LARS1: variants seen among roughly 807,000 people sequenced by gnomAD.
The protein encoded by LARS1 is leucyl-tRNA synthetase 1.
In LARS1, 100 loss-of-function variants were observed where a neutral mutation model predicts 162.8. The ratio of observed to expected loss-of-function variants is 0.61; its 90% CI spans 0.52 to 0.73. The LOEUF (loss-of-function observed/expected upper bound fraction) is 0.73. Ranked by LOEUF, LARS1 falls within the 30% of genes least tolerant of loss-of-function variation. The pLI is 0.00. For synonymous variants in LARS1, 457 were observed against 462.8 expected (o/e 0.99, Z 0.16); for missense variants, 1,258 against 1,408.9 (o/e 0.89, Z 1.71).
At chr5:146,168,353 A>C (rs1754114172) in intron 4 of LARS1, 88 bp from the exon 5 acceptor site, 5 of 1,430,128 alleles carry the variant, frequency 3.5e-6, no homozygotes, top group Non-Finnish European at 4.7e-6. Context: ...ACTAAAATTG[A>C]CTCTGAAATT....
At chr5:146,138,901 C>T in intron 21 of LARS1, 1 of 302,212 alleles carries the variant, frequency 3.3e-6, no homozygotes, top group South Asian at 3.4e-5. Context: ...AAAGGTAACT[C>T]AGGCCCACGG....
chr5:146,134,760 C>T (rs1265625930), intron 22 of LARS1, among the ~76,000 whole-genome samples: 1 of 152,134 alleles, frequency 6.6e-6, no homozygotes, highest in Non-Finnish European at 1.5e-5. Context: ...ACCAGCCTGG[C>T]CAACAAGGCA....
intron 2 of LARS1, among the ~76,000 whole-genome samples, chr5:146,173,607 G>A (rs915523314): frequency 1.2e-4 from 18 of 149,954 alleles, no homozygotes; most frequent in African/African-American, 4.4e-4. Flanking sequence ...GAACCACCAT[G>A]AGCATGAGCT....
At chr5:146,120,812 T>C (rs1751787429) in intron 30 of LARS1, among the ~76,000 whole-genome samples, 1 of 152,226 alleles carries the variant, frequency 6.6e-6, no homozygotes, top group South Asian at 2.1e-4. Flanking sequence ...TACTAAGCAC[T>C]TCATCGACGT....
At chr5:146,168,500 G>T (rs1015937167) in intron 4 of LARS1, among the ~76,000 whole-genome samples, 1 of 152,066 alleles carries the variant, frequency 6.6e-6, no homozygotes, top group Non-Finnish European at 1.5e-5. Context: ...TTCGAGACCA[G>T]CCTGGCCAAC....
intron 3 of LARS1, 88 bp from the exon 4 acceptor site, chr5:146,172,078 C>T: frequency 1.8e-6 from 2 of 1,136,350 alleles, no homozygotes; most frequent in Non-Finnish European, 2.6e-6. Flanking sequence ...AATTAGTTTT[C>T]TTCTTTACAT....
At chr5:146,176,826 G>A (rs1369206157) in intron 2 of LARS1, among the ~76,000 whole-genome samples, 2 of 151,882 alleles carry the variant, frequency 1.3e-5, no homozygotes, top group African/African-American at 2.4e-5. Context: ...ATAAGCATTA[G>A]GTTTACTTGT....
chr5:146,135,450 T>C (rs1181902475), intron 22 of LARS1, 151 bp downstream of exon 22: 2 of 604,594 alleles, frequency 3.3e-6, no homozygotes, highest in East Asian at 6.2e-5. Context: ...ATATTAAATA[T>C]TATGTTGCTC....
At chr5:146,134,607 C>T (rs1581024974) in intron 22 of LARS1, among the ~76,000 whole-genome samples, 1 of 152,120 alleles carries the variant, frequency 6.6e-6, no homozygotes, top group African/African-American at 2.4e-5. Flanking sequence ...GACAAAAAAA[C>T]AATTTTCTGA....
In LARS1 at chr5:146,182,589, G is replaced by A. The variant is rs1400028649; in HGVS notation, c.-96C>T. The A allele has an allele frequency of 6.5e-7, 1 of 1,531,116 alleles. No homozygotes were observed. Among genetic ancestry groups the A allele is most frequent in the East Asian group, 2.2e-5 (1 of 44,492 alleles). The allele number at this position is 1,531,116 out of a possible 1,614,324, so 94.8% of individuals were successfully genotyped here. A position where few individuals can be genotyped will look rare whatever the true frequency, so the allele number is the denominator to read the frequency against. On this transcript the variant is annotated 5_prime_UTR_variant, in exon 1 of 32. Coordinates refer to ENST00000394434, the MANE Select transcript of LARS1 (RefSeq NM_020117.11). ...TTCCCCTCCCTCTCGGGGATGCCAG[G>A]CCTCCCACGAAACTAAAGCACACGC...
At chr5:146,165,322 G>C (rs1471766768) in intron 5 of LARS1, among the ~76,000 whole-genome samples, 1 of 152,056 alleles carries the variant, frequency 6.6e-6, no homozygotes, top group Non-Finnish European at 1.5e-5. Context: ...GTGACAGAGA[G>C]AGACTCCATC....
At chr5:146,136,930 C>G (rs572567431) in intron 21 of LARS1, among the ~76,000 whole-genome samples, 1 of 152,224 alleles carries the variant, frequency 6.6e-6, no homozygotes, top group Admixed American at 6.5e-5. Flanking sequence ...GATGCAGTTT[C>G]ACTCTTGTCG....
intron 27 of LARS1, among the ~76,000 whole-genome samples, chr5:146,127,393 C>T (rs1752090843): frequency 6.6e-6 from 1 of 151,992 alleles, no homozygotes; most frequent in East Asian, 1.9e-4. Flanking sequence ...GAACACTCTT[C>T]GTGATTATAA....
intron 5 of LARS1, among the ~76,000 whole-genome samples, chr5:146,167,772 G>A (rs1467574278): frequency 4.0e-5 from 6 of 151,540 alleles, no homozygotes; most frequent in Admixed American, 3.3e-4. Context: ...CTCATGATCC[G>A]CCCGCCTCGG....
At chr5:146,125,051 CA>C (rs1581009718) in intron 28 of LARS1, among the ~76,000 whole-genome samples, 1 of 151,746 alleles carries the variant, frequency 6.6e-6, no homozygotes, top group East Asian at 1.9e-4. Flanking sequence ...TACATATACA[CA>C]TAACTACTTT....
chr5:146,148,602 A>C (rs1312122647), intron 15 of LARS1, among the ~76,000 whole-genome samples: 6 of 152,238 alleles, frequency 3.9e-5, no homozygotes, highest in Non-Finnish European at 7.3e-5. Flanking sequence ...TGTACGGAGA[A>C]GACAGGGTAT....
intron 31 of LARS1, among the ~76,000 whole-genome samples, chr5:146,118,826 T>C (rs1751686087): frequency 6.6e-6 from 1 of 152,222 alleles, no homozygotes; most frequent in African/African-American, 2.4e-5. Context: ...TCAAGCCTCC[T>C]GAACTGTACA....
At chr5:146,180,435 GA>G (rs1324242010) in intron 1 of LARS1, among the ~76,000 whole-genome samples, 2 of 151,922 alleles carry the variant, frequency 1.3e-5, no homozygotes, top group Non-Finnish European at 2.9e-5. Flanking sequence ...ACAGGAAGCT[GA>G]AGTGGGAGAA....
At position 146,182,598 on chromosome 5, in the gene LARS1, G is replaced by A; in HGVS notation, c.-105C>T. 1 of 1,468,118 alleles carries A rather than the reference G, an allele frequency of 6.8e-7. No homozygotes were observed. The highest frequency in any genetic ancestry group is 9.5e-7 in the Non-Finnish European group (1 of 1,048,066). The allele number at this position is 1,468,118 out of a possible 1,614,324, so 90.9% of individuals were successfully genotyped here. On this transcript the variant is annotated 5_prime_UTR_variant, in exon 1 of 32. Transcript: ENST00000394434. ...CTCTCGGGGATGCCAGGCCTCCCAC[G>A]AAACTAAAGCACACGCTTCACACCT...
Sources: allele counts gnomAD v4.1 joint callset (sites outside exome capture counted in the v4.1 genomes callset), GRCh38; gene constraint gnomAD v4.1.1; transcripts MANE v1.5; gene names NCBI Gene and HGNC (gene_info 2026-07-23, HGNC 2026-07-21).